The following SRGAP1 variants were observed in gnomAD, a reference collection of about 807,000 sequenced individuals.
The protein encoded by SRGAP1 is SLIT-ROBO Rho GTPase activating protein 1, also known as SLIT-ROBO Rho GTPase-activating protein 1.
A neutral mutation model predicts 121.9 loss-of-function variants in SRGAP1; 43 were observed. That is an observed-to-expected ratio of 0.35 (90% CI 0.28 to 0.46). SRGAP1 has a LOEUF of 0.46. Ranked by LOEUF, SRGAP1 falls within the 20% of genes least tolerant of loss-of-function variation. SRGAP1 has a pLI of 1.00. For synonymous variants in SRGAP1, 447 were observed against 485.4 expected, an observed-to-expected ratio of 0.92 and a Z score of 1.04; for missense variants, 1,102 against 1,350.9, an observed-to-expected ratio of 0.82 and a Z score of 2.89.
At chr12:64,138,925 A>G (rs979880876) in intron 21 of SRGAP1, among the ~76,000 whole-genome samples, 1 of 152,200 alleles carries the variant, frequency 6.6e-6, no homozygotes, top group African/African-American at 2.4e-5. Flanking sequence ...ACCCTTGGTC[A>G]TACTGTTCCA....
At chr12:64,106,055 T>C (rs1304062135) in intron 15 of SRGAP1, among the ~76,000 whole-genome samples, 1 of 152,216 alleles carries the variant, frequency 6.6e-6, no homozygotes, top group Non-Finnish European at 1.5e-5. Context: ...TGTATTCCTC[T>C]GTTGCCCAGA....
chr12:64,101,281 C>T (rs1020069237), intron 15 of SRGAP1, among the ~76,000 whole-genome samples: 15 of 144,666 alleles, frequency 1.0e-4, no homozygotes, highest in Middle Eastern at 3.6e-3. Context: ...TTTTCGCTTC[C>T]GTATTTTTGG....
chr12:64,024,292 G>A (rs1258088980), intron 4 of SRGAP1, among the ~76,000 whole-genome samples: 2 of 152,256 alleles, frequency 1.3e-5, no homozygotes, highest in African/African-American at 2.4e-5. Context: ...TTAGCTGGGT[G>A]TGGTGGTGTG....
At position 64,128,200 on chromosome 12, in the gene SRGAP1, G is replaced by A; in HGVS notation, c.2880G>A (p.Gln960=). Residue 960 remains glutamine, a splice_region_variant and synonymous_variant, in exon 21 of 22, where the codon CAG becomes CAA. Coordinates refer to ENST00000355086, the MANE Select transcript of SRGAP1 (RefSeq NM_020762.4). ...CACTGGACCCAGAGACAATTGCTCA[G>A]GTACGATGCTTTTAATTACATATTG... ...HKPLDPETIA[Q]DIEETMNTAL... 6.3e-7 allele frequency: 1 copy of A among 1,598,566 alleles called. No individual in the cohort carries two copies. The highest frequency in any genetic ancestry group is 1.1e-5 in the South Asian group (1 of 90,404).
In SRGAP1 at chr12:64,065,335, TTCCTGCTCTCAGGGTTCCTG is replaced by T; in HGVS notation, c.1125+118_1125+137del. On this transcript the variant is annotated intron_variant, in intron 8 of 21. Coordinates refer to ENST00000355086, the MANE Select transcript of SRGAP1 (RefSeq NM_020762.4). ...AAGATTCAACCTCTTCATCACGTATTTCCTGCTCTCAGGGTTCCTGTAGTACTCTTTGTAGGGGATAAATG... is the reference window on the plus strand; with the variant it reads ...AAGATTCAACCTCTTCATCACGTATTTAGTACTCTTTGTAGGGGATAAATG... 5.6e-6 allele frequency: 5 copies of T among 888,448 alleles called. No individual in the cohort carries two copies. In the South Asian group the frequency reaches 7.3e-5, roughly 13 times the overall value. 55.0% of individuals were successfully genotyped at this position (888,448 alleles called of 1,614,324 possible).
rs530222973 is a variant in SRGAP1, at chr12:64,088,669, A to G, written c.1436+1643A>G. On this transcript the variant is annotated intron_variant, in intron 11 of 21. Coordinates refer to ENST00000355086, the MANE Select transcript of SRGAP1 (RefSeq NM_020762.4). The stretch of plus-strand genomic sequence containing the variant: ...CTCTGCCATGGAAATTACTTTGATA[A>G]GCACTGAGGCAATTCGTTTTCATTC... Among the ~76,000 whole-genome samples, 6 of 152,338 alleles carry G rather than the reference A, an allele frequency of 3.9e-5. No homozygotes were observed. The East Asian group carries it at 5.8e-4, about 15-fold the overall frequency.
chr12:63,954,913 T>C (rs2032415622), intron 1 of SRGAP1, among the ~76,000 whole-genome samples: 1 of 152,168 alleles, frequency 6.6e-6, no homozygotes, highest in East Asian at 1.9e-4. Flanking sequence ...GTATGCAAAG[T>C]GTCCCAATTG....
chr12:63,888,655 T>G (rs1291707977), intron 1 of SRGAP1: 2 of 152,226 alleles, frequency 1.3e-5, no homozygotes, highest in Admixed American at 1.3e-4. Flanking sequence ...GTTTGTTTGT[T>G]TCTACCTACT....
At chr12:64,094,078 T>TA (rs1382240545) in intron 12 of SRGAP1, among the ~76,000 whole-genome samples, 1 of 152,178 alleles carries the variant, frequency 6.6e-6, no homozygotes, top group African/African-American at 2.4e-5. Flanking sequence ...GCTTTCTTTT[T>TA]AAAAAAGATC....
rs2136665151 is a variant in SRGAP1, at chr12:64,151,888, T to C, written c.*9216T>C. On this transcript the variant is annotated 3_prime_UTR_variant, in exon 22 of 22. Coordinates refer to ENST00000355086, the MANE Select transcript of SRGAP1 (RefSeq NM_020762.4). ...CCACTTTGTTTCATTCCAAAAAATA[T>C]TCTGCAGCCCCTCTACATCCTCCAA... 1 of 152,320 alleles carries C rather than the reference T, an allele frequency of 6.6e-6. No individual in the cohort carries two copies. Among genetic ancestry groups the C allele is most frequent in the South Asian group, 2.1e-4 (1 of 4,814 alleles). The allele number at this position is 152,320 out of a possible 1,614,324, so 9.4% of individuals were successfully genotyped here.
chr12:63,947,950 G>A (rs1021281259), intron 1 of SRGAP1, among the ~76,000 whole-genome samples: 3 of 151,988 alleles, frequency 2.0e-5, no homozygotes, highest in African/African-American at 7.2e-5. Context: ...TCACAATGAG[G>A]AAGTTTCCTT....
At chr12:63,893,978 A>C (rs913429615) in intron 1 of SRGAP1, among the ~76,000 whole-genome samples, 1 of 152,190 alleles carries the variant, frequency 6.6e-6, no homozygotes, top group Admixed American at 6.5e-5. Flanking sequence ...AGCTGGGACT[A>C]CAGGCATCCG....
intron 21 of SRGAP1, 27 bp from the exon 22 acceptor site, chr12:64,142,264 GCTTT>G: frequency 6.2e-7 from 1 of 1,602,044 alleles, no homozygotes; most frequent in Non-Finnish European, 8.5e-7. Flanking sequence ...ATCAGTCTGT[GCTTT>G]CTCTCTTTCC....
chr12:64,050,966 T>A (rs2035229329), intron 6 of SRGAP1, among the ~76,000 whole-genome samples: 1 of 152,106 alleles, frequency 6.6e-6, no homozygotes, highest in Non-Finnish European at 1.5e-5. Context: ...TCAGGTGATC[T>A]GCCTACCTCG....
At chr12:64,125,027 G>A (rs2036665813) in intron 18 of SRGAP1, among the ~76,000 whole-genome samples, 1 of 151,978 alleles carries the variant, frequency 6.6e-6, no homozygotes, top group Non-Finnish European at 1.5e-5. Context: ...GTATAGCTTT[G>A]TGTGACCACA....
intron 21 of SRGAP1, 52 bp downstream of exon 21, chr12:64,128,252 G>A (rs1401745967): frequency 2.1e-6 from 3 of 1,463,136 alleles, no homozygotes; most frequent in Non-Finnish European, 2.8e-6. Context: ...GTGTGATGTA[G>A]GAGGTGTGAA....
At chr12:64,123,097 G>A (rs962795278) in intron 18 of SRGAP1, among the ~76,000 whole-genome samples, 5 of 152,204 alleles carry the variant, frequency 3.3e-5, no homozygotes, top group Non-Finnish European at 7.3e-5. Flanking sequence ...ACTGTATACT[G>A]TATCATGTGT....
intron 1 of SRGAP1, among the ~76,000 whole-genome samples, chr12:63,911,463 G>A (rs1415970061): frequency 6.6e-6 from 1 of 152,126 alleles, no homozygotes; most frequent in East Asian, 1.9e-4. Flanking sequence ...CCATGTAGTT[G>A]TGGTGGTGTT....
rs1007988958 is a variant in SRGAP1, at chr12:63,850,335, A to G, written c.67+5452A>G. ...TAGTAAATCTCAGCTCTGACAATCT[A>G]TATTGGTTTGTTTACTCCTGTGCTA... is the stretch of plus-strand genomic sequence containing the variant. On this transcript the variant is annotated intron_variant, in intron 1 of 21. Transcript: ENST00000355086. Among the ~76,000 whole-genome samples the G allele has an allele frequency of 4.6e-5, 7 of 152,042 alleles. No individual in the cohort carries two copies. In the South Asian group the frequency reaches 8.3e-4, roughly 18 times the overall value.
Sources: gnomAD v4.1 joint callset for allele counts (sites outside exome capture counted in the v4.1 genomes callset) on GRCh38, gnomAD v4.1.1 for gene constraint, MANE v1.5 for transcripts, NCBI Gene and HGNC (gene_info 2026-07-23, HGNC 2026-07-21) for gene names.